PRKD1: variants seen among roughly 807,000 people sequenced by gnomAD.
PRKD1 encodes protein kinase D1.
PRKD1 carries 63 observed loss-of-function variants against 95.9 expected under a neutral mutation model. That is an observed-to-expected ratio of 0.66 (90% CI 0.54 to 0.81). The LOEUF (loss-of-function observed/expected upper bound fraction) is 0.81. PRKD1 is among the 30% of genes least tolerant of loss of function. The pLI is 0.00. For missense variants in PRKD1, 1,048 were observed against 1,165.3 expected (o/e 0.90, Z 1.47); for synonymous variants, 425 against 423.1 (o/e 1.00, Z -0.05).
At chr14:29,710,293 A>G (rs1885277613) in intron 2 of PRKD1, among the ~76,000 whole-genome samples, 1 of 152,136 alleles carries the variant, frequency 6.6e-6, no homozygotes, top group Non-Finnish European at 1.5e-5. Context: ...GAAACTGTAC[A>G]GTGGAGAAAC....
intron 16 of PRKD1, chr14:29,594,297 A>G (rs1239029266): frequency 8.3e-5 from 27 of 326,294 alleles, no homozygotes; most frequent in Non-Finnish European, 1.6e-4. Context: ...ATACATTACA[A>G]CTAGCAATAT....
intron 1 of PRKD1, among the ~76,000 whole-genome samples, chr14:29,838,649 T>C (rs1035040288): frequency 1.3e-5 from 2 of 152,200 alleles, no homozygotes; most frequent in Admixed American, 1.3e-4. Flanking sequence ...ATTGAAAACA[T>C]GGTTTATTAT....
chr14:29,766,084 A>C (rs1888243385), intron 1 of PRKD1, among the ~76,000 whole-genome samples: 1 of 152,184 alleles, frequency 6.6e-6, no homozygotes, highest in South Asian at 2.1e-4. Context: ...AGAGAGGAGA[A>C]GAGAAGAGCA....
chr14:29,751,153 G>C (rs1474632847), intron 1 of PRKD1: 1 of 152,206 alleles, frequency 6.6e-6, no homozygotes, highest in Non-Finnish European at 1.5e-5. Context: ...CATGAGAGGG[G>C]ACACTGACTC....
In PRKD1 at chr14:29,903,658, A is replaced by T. The variant is rs546612327; in HGVS notation, c.264+23591T>A. On this transcript the variant is annotated intron_variant, in intron 1 of 17. Transcript: ENST00000331968. ...GACTCAAAACCCTGGATTAAAAATA[A>T]ATCTTAATACTTACCTTTAAAATAA... Among the ~76,000 whole-genome samples, 4 of 152,340 alleles carry T rather than the reference A, an allele frequency of 2.6e-5. No homozygotes were observed. In the East Asian group the frequency reaches 7.7e-4, roughly 29 times the overall value.
intron 13 of PRKD1, among the ~76,000 whole-genome samples, chr14:29,608,510 A>C (rs1437889784): frequency 1.3e-5 from 2 of 152,232 alleles, no homozygotes; most frequent in African/African-American, 4.8e-5. Context: ...AGAATTAAAA[A>C]AATGAAGCCC....
chr14:29,728,753 T>C (rs1162926082), intron 1 of PRKD1, among the ~76,000 whole-genome samples: 1 of 152,172 alleles, frequency 6.6e-6, no homozygotes, highest in Non-Finnish European at 1.5e-5. Context: ...GTACAAGTGT[T>C]TCAGTGGGTA....
At chr14:29,847,542 T>C (rs565628576) in intron 1 of PRKD1, among the ~76,000 whole-genome samples, 2 of 152,142 alleles carry the variant, frequency 1.3e-5, no homozygotes, top group African/African-American at 2.4e-5. Context: ...AAAAACAAAA[T>C]TAAAAAAAAA....
chr14:29,742,970 T>G (rs1157506783), intron 1 of PRKD1, among the ~76,000 whole-genome samples: 1 of 152,238 alleles, frequency 6.6e-6, no homozygotes, highest in Non-Finnish European at 1.5e-5. Flanking sequence ...TTGAGTTTCA[T>G]GGGATTGTCA....
At chr14:29,910,260 G>C (rs773029834) in intron 1 of PRKD1, among the ~76,000 whole-genome samples, 4 of 151,896 alleles carry the variant, frequency 2.6e-5, no homozygotes, top group Non-Finnish European at 5.9e-5. Flanking sequence ...CTCCAGACGC[G>C]CCGCCTTAAG....
chr14:29,642,171 T>C (rs1880824878), intron 4 of PRKD1, among the ~76,000 whole-genome samples: 1 of 152,164 alleles, frequency 6.6e-6, no homozygotes, highest in Non-Finnish European at 1.5e-5. Context: ...CCCAAAGTGC[T>C]GGGATTACAG....
chr14:29,917,942 CTTTTA>C (rs1234152665), intron 1 of PRKD1, among the ~76,000 whole-genome samples: 1 of 151,618 alleles, frequency 6.6e-6, no homozygotes, highest in African/African-American at 2.4e-5. Flanking sequence ...ATTTTTTTAA[CTTTTA>C]TTTTAGTTTC....
intron 10 of PRKD1, chr14:29,630,541 T>A: frequency 1.6e-6 from 1 of 630,140 alleles, no homozygotes. Context: ...ATAGCTATAA[T>A]AAAATAGGAT....
intron 4 of PRKD1, among the ~76,000 whole-genome samples, chr14:29,648,506 G>A (rs1881282332): frequency 6.6e-6 from 1 of 152,134 alleles, no homozygotes; most frequent in Non-Finnish European, 1.5e-5. Flanking sequence ...ATTGAAAGAT[G>A]ACAACCATTC....
Position 29,626,522 on chromosome 14 carries a change from T to C in PRKD1, c.1760A>G (p.Glu587Gly). ...ISTVYQIFPD[E>G]VLGSGQFGIV... ...TCCAAACTGTCCAGAACCCAGTACT[T>C]CATCAGGAAAAATCTGATATACTGT... Residue 587 changes from glutamate to glycine, a missense_variant, in exon 12 of 18, where the codon GAA (glutamate) becomes GGA (glycine). Around this residue, in one of 3 missense-constraint regions of PRKD1, gnomAD observed 739 missense variants for 861.9 expected, o/e 0.86. Coordinates refer to ENST00000331968, the MANE Select transcript of PRKD1 (RefSeq NM_002742.3). The C allele has an allele frequency of 6.2e-7, 1 of 1,612,506 alleles. No individual in the cohort carries two copies. Among genetic ancestry groups the C allele is most frequent in the Non-Finnish European group, 8.5e-7 (1 of 1,179,228 alleles).
intron 1 of PRKD1, among the ~76,000 whole-genome samples, chr14:29,839,506 G>C (rs1404765686): frequency 6.6e-6 from 1 of 152,134 alleles, no homozygotes; most frequent in Non-Finnish European, 1.5e-5. Flanking sequence ...AGCTGTCAAT[G>C]GATCTACCAT....
Position 29,576,933 on chromosome 14 carries a change from A to T in PRKD1, c.*305T>A. The T allele has an allele frequency of 2.6e-6, 1 of 382,390 alleles. No individual in the cohort carries two copies. The highest frequency in any genetic ancestry group is 4.9e-6 in the Non-Finnish European group (1 of 203,640). 23.7% of individuals were successfully genotyped at this position (382,390 alleles called of 1,614,324 possible). A position where few individuals can be genotyped will look rare whatever the true frequency, so the allele number is the denominator to read the frequency against. ...CTTACCAAAATGAAGCTCCAGTAAGAAAAACACTGATTTGCAAAGGCACAG... is the reference window on the plus strand; with the variant it reads ...CTTACCAAAATGAAGCTCCAGTAAGTAAAACACTGATTTGCAAAGGCACAG... On this transcript the variant is annotated 3_prime_UTR_variant, in exon 18 of 18. Coordinates refer to ENST00000331968, the MANE Select transcript of PRKD1 (RefSeq NM_002742.3).
At chr14:29,717,189 T>C (rs979405608) in intron 2 of PRKD1, among the ~76,000 whole-genome samples, 1 of 152,182 alleles carries the variant, frequency 6.6e-6, no homozygotes, top group Non-Finnish European at 1.5e-5. Context: ...ACTCAATAAA[T>C]AGATATTGAT....
Position 29,631,027 on chromosome 14 carries a change from A to C in PRKD1, c.1393-6T>G. ...ATTTCAGATAAAGGAATTTCCTGTGAAAGAAAAAAAGTACTAAATGTTGTT... is the reference window on the plus strand; with the variant it reads ...ATTTCAGATAAAGGAATTTCCTGTGCAAGAAAAAAAGTACTAAATGTTGTT... On this transcript the variant is annotated splice_polypyrimidine_tract_variant and splice_region_variant and intron_variant, in intron 9 of 17. Transcript: ENST00000331968. The C allele has an allele frequency of 6.3e-7, 1 of 1,594,342 alleles. No individual in the cohort carries two copies.
Sources: allele counts gnomAD v4.1 joint callset (sites outside exome capture counted in the v4.1 genomes callset), GRCh38; gene constraint gnomAD v4.1.1; regional missense constraint gnomAD v4.1.1; transcripts MANE v1.5; gene names NCBI Gene and HGNC (gene_info 2026-07-23, HGNC 2026-07-21).